Variants in GABRB1 observed in about 807,000 individuals in gnomAD.
The protein encoded by GABRB1 is gamma-aminobutyric acid receptor subunit beta-1.
Under a neutral mutation model 51.6 loss-of-function variants are expected in GABRB1, and 17 were observed. The observed-to-expected ratio is 0.33, with a 90% CI of 0.23 to 0.49. The LOEUF is 0.49. Among genes scored for constraint, GABRB1 ranks in the 20% least tolerant of loss-of-function variants. The pLI is 0.99. For missense variants in GABRB1, 410 were observed against 600.6 expected, an observed-to-expected ratio of 0.68 and a Z score of 3.32; for synonymous variants, 247 against 218.9, an observed-to-expected ratio of 1.13 and a Z score of -1.14.
chr4:47,148,439 A>T (rs1343020622), intron 3 of GABRB1, among the ~76,000 whole-genome samples: 1 of 152,104 alleles, frequency 6.6e-6, no homozygotes, highest in Non-Finnish European at 1.5e-5. Flanking sequence ...AATGTAAATT[A>T]AGAGACATTT....
chr4:47,278,741 A>G (rs1028549897), intron 4 of GABRB1, among the ~76,000 whole-genome samples: 4 of 152,290 alleles, frequency 2.6e-5, no homozygotes, highest in African/African-American at 9.6e-5. Flanking sequence ...TTCATGATAA[A>G]TGCTCACAAA....
intron 4 of GABRB1, among the ~76,000 whole-genome samples, chr4:47,313,054 T>C (rs1442931316): frequency 1.3e-5 from 2 of 152,214 alleles, no homozygotes; most frequent in Non-Finnish European, 2.9e-5. Context: ...ATGATTTCTG[T>C]TCATTCCAAA....
At chr4:47,041,978 A>T (rs1170339415) in intron 3 of GABRB1, among the ~76,000 whole-genome samples, 3 of 152,088 alleles carry the variant, frequency 2.0e-5, no homozygotes, top group Non-Finnish European at 4.4e-5. Flanking sequence ...GGGGCATATT[A>T]GGAAATCAAG....
At chr4:47,213,645 T>C (rs1720449561) in intron 4 of GABRB1, among the ~76,000 whole-genome samples, 1 of 152,088 alleles carries the variant, frequency 6.6e-6, no homozygotes, top group Non-Finnish European at 1.5e-5. Context: ...TTCTTTTTTC[T>C]TTTGCTTCAT....
intron 4 of GABRB1, among the ~76,000 whole-genome samples, chr4:47,245,153 A>G (rs912535862): frequency 1.8e-4 from 28 of 152,184 alleles, no homozygotes; most frequent in Non-Finnish European, 3.1e-4. Flanking sequence ...ATAAAAAATG[A>G]TAAAGGGGAT....
chr4:47,153,479 T>G (rs1364503518), intron 3 of GABRB1, among the ~76,000 whole-genome samples: 3 of 151,566 alleles, frequency 2.0e-5, no homozygotes, highest in African/African-American at 4.8e-5. Context: ...TCAAAAAAGA[T>G]TTTTACATTT....
chr4:47,316,493 G>C (rs982389863), intron 4 of GABRB1, among the ~76,000 whole-genome samples: 4 of 151,860 alleles, frequency 2.6e-5, no homozygotes, highest in Middle Eastern at 3.2e-3. Flanking sequence ...TAGGCACTTA[G>C]GTTGATTCCA....
intron 3 of GABRB1, among the ~76,000 whole-genome samples, chr4:47,098,252 T>G (rs1714548654): frequency 6.6e-6 from 1 of 151,994 alleles, no homozygotes; most frequent in South Asian, 2.1e-4. Flanking sequence ...TTCATTAAAA[T>G]TTTCCAAGTC....
intron 3 of GABRB1, among the ~76,000 whole-genome samples, chr4:47,094,181 A>T (rs1179886070): frequency 6.6e-6 from 1 of 151,814 alleles, no homozygotes; most frequent in African/African-American, 2.4e-5. Context: ...TATAGTTTTG[A>T]AAGAAAGTAA....
At chr4:47,284,317 T>TA (rs1157785114) in intron 4 of GABRB1, among the ~76,000 whole-genome samples, 1 of 152,110 alleles carries the variant, frequency 6.6e-6, no homozygotes, top group East Asian at 1.9e-4. Flanking sequence ...GATGGCCCTA[T>TA]TGCCCATCAT....
chr4:47,038,628 C>T (rs922360099), intron 3 of GABRB1, among the ~76,000 whole-genome samples: 1 of 152,084 alleles, frequency 6.6e-6, no homozygotes, highest in East Asian at 1.9e-4. Flanking sequence ...GGGATAAAAC[C>T]AGGGTGTTTG....
intron 3 of GABRB1, among the ~76,000 whole-genome samples, chr4:47,118,084 C>T (rs1168834038): frequency 6.6e-6 from 1 of 152,090 alleles, no homozygotes; most frequent in Non-Finnish European, 1.5e-5. Context: ...GGATATAAAA[C>T]ATTAAGATGT....
chr4:47,029,737 G>A (rs561432054), upstream of GABRB1, among the ~76,000 whole-genome samples: 1 of 151,994 alleles, frequency 6.6e-6, no homozygotes, highest in Admixed American at 6.5e-5. Flanking sequence ...ATGATGTAAA[G>A]ATCTACTTTT....
chr4:47,170,823 C>A (rs1387521961), intron 4 of GABRB1, among the ~76,000 whole-genome samples: 2 of 152,104 alleles, frequency 1.3e-5, no homozygotes, highest in Non-Finnish European at 2.9e-5. Context: ...TTACAATTCC[C>A]ACTAAAGGAC....
In GABRB1 at chr4:47,425,766, G is replaced by A. The variant is rs758821119; in HGVS notation, c.1173G>A (p.Lys391=). 2.5e-6 allele frequency: 4 copies of A among 1,614,184 alleles called. No homozygotes were observed. In the South Asian group the frequency reaches 4.4e-5, roughly 18 times the overall value. ...TGCTCACGAGCGTGAGCGACCCCAA[G>A]GCCACCATGTACTCCTATGACAGCG... is the stretch of plus-strand genomic sequence containing the variant. ...SEVLTSVSDP[K]ATMYSYDSAS... The change falls in exon 9 of 9, where the codon AAG becomes AAA. Residue 391 remains lysine (K), a synonymous_variant. Coordinates refer to ENST00000295454, the MANE Select transcript of GABRB1 (RefSeq NM_000812.4).
chr4:47,086,620 C>T (rs1278246142), intron 3 of GABRB1, among the ~76,000 whole-genome samples: 3 of 152,060 alleles, frequency 2.0e-5, no homozygotes, highest in Non-Finnish European at 2.9e-5. Context: ...TAAGTCAAGT[C>T]GAAACTTAAA....
At position 47,157,066 on chromosome 4, in the gene GABRB1, T is replaced by A. The variant is rs568440960; in HGVS notation, c.241-4183T>A. Among the ~76,000 whole-genome samples the A allele has an allele frequency of 3.5e-4, 54 of 152,208 alleles. 1 individual carries two copies. The South Asian group carries it at 9.8e-3, about 28-fold the overall frequency. ...CTTGCCTTTCCTCAATGAGTCAAAT[T>A]CTGTCATGCCTGAATTAGCCCAACT... On this transcript the variant is annotated intron_variant, in intron 3 of 8. Transcript: ENST00000295454.
At position 47,389,539 on chromosome 4, in the gene GABRB1, T is replaced by C. The variant is rs556128222; in HGVS notation, c.545-13779T>C. 2.6e-5 allele frequency among the ~76,000 whole-genome samples: 4 copies of C among 152,334 alleles called. No homozygotes were observed. In the East Asian group the frequency reaches 7.7e-4, roughly 29 times the overall value. On this transcript the variant is annotated intron_variant, in intron 5 of 8. Transcript: ENST00000295454. ...GGATGACCATTCAAACAGTGGGTTATCAGGAATCAAACATTAAATGGGTTG... is the reference window on the plus strand; with the variant it reads ...GGATGACCATTCAAACAGTGGGTTACCAGGAATCAAACATTAAATGGGTTG...
chr4:47,058,764 T>G (rs1726727863), intron 3 of GABRB1, among the ~76,000 whole-genome samples: 1 of 152,200 alleles, frequency 6.6e-6, no homozygotes, highest in Non-Finnish European at 1.5e-5. Context: ...ATAGATTGCC[T>G]TTGTAATGCC....
Sources: allele counts gnomAD v4.1 joint callset (sites outside exome capture counted in the v4.1 genomes callset), GRCh38; gene constraint gnomAD v4.1.1; transcripts MANE v1.5; gene names NCBI Gene and HGNC (gene_info 2026-07-23, HGNC 2026-07-21).